Variants in NISCH observed in about 807,000 individuals in gnomAD.
NISCH encodes I-1 receptor candidate protein.
NISCH carries 55 observed loss-of-function variants against 138.4 expected under a neutral mutation model. That is an observed-to-expected ratio of 0.40 (90% CI 0.32 to 0.50). The LOEUF is 0.50. Ranked by LOEUF, NISCH falls within the 20% of genes least tolerant of loss-of-function variation. The pLI, the probability that NISCH is intolerant of heterozygous loss-of-function variation, is 0.71. For synonymous variants in NISCH, 860 were observed against 861.5 expected (o/e 1.00, Z 0.03); for missense variants, 1,643 against 2,005.5 (o/e 0.82, Z 3.45).
chr3:52,465,578 C>T (rs542348975), intron 3 of NISCH, among the ~76,000 whole-genome samples: 5 of 152,324 alleles, frequency 3.3e-5, no homozygotes, highest in African/African-American at 9.6e-5. Context: ...TTGCTGTGTC[C>T]TGACCCTCCT....
intron 3 of NISCH, among the ~76,000 whole-genome samples, chr3:52,467,998 G>A (rs1223311441): frequency 1.3e-5 from 2 of 152,192 alleles, no homozygotes; most frequent in African/African-American, 4.8e-5. Flanking sequence ...GGTGGCTCAC[G>A]CCTGTAATCC....
rs1001038073 is a variant in NISCH at position 52,480,990 on chromosome 3, C to T, written c.1528+695C>T. On this transcript the variant is annotated intron_variant, in intron 13 of 20. Transcript: ENST00000345716. Reference sequence around the variant, plus strand: ...CCGAGTGGAGCCGAGGCTCGGGACACGCAGGAAAGGACGCCGCCTGCCCGG... The same window carrying T: ...CCGAGTGGAGCCGAGGCTCGGGACATGCAGGAAAGGACGCCGCCTGCCCGG... The T allele has an allele frequency of 7.6e-6, 11 of 1,438,776 alleles. No homozygotes were observed. In the East Asian group the frequency reaches 7.9e-5, roughly 10 times the overall value. 89.1% of individuals were successfully genotyped at this position (1,438,776 alleles called of 1,614,324 possible). A position where few individuals can be genotyped will look rare whatever the true frequency, so the allele number is the denominator to read the frequency against.
chr3:52,456,924 C>T lies in NISCH; in HGVS notation c.94-919C>T, dbSNP rs552111829. On this transcript the variant is annotated intron_variant, in intron 1 of 20. Transcript: ENST00000345716. ...CAGCCAGAGGGCCATCTTCAAAAAG[C>T]TCACCCTATTCTGGACTGCGCCCCT... Among the ~76,000 whole-genome samples, 4 of 152,316 alleles carry T rather than the reference C, an allele frequency of 2.6e-5. 1 individual carries two copies. The South Asian group carries it at 8.3e-4, about 32-fold the overall frequency.
Position 52,466,470 on chromosome 3 carries a change from C to A in NISCH, c.361-4389C>A, listed in dbSNP as rs770766879. ...ATCCCAGCTACTCCAGAGACTCAGG[C>A]AGGAGAATTGCTTGAACCCAGGAGG... On this transcript the variant is annotated intron_variant, in intron 3 of 20. Coordinates refer to ENST00000345716, the MANE Select transcript of NISCH (RefSeq NM_007184.4). Among the ~76,000 whole-genome samples the A allele has an allele frequency of 7.5e-4, 113 of 150,820 alleles. 1 individual carries two copies. Among genetic ancestry groups the A allele is most frequent in the Non-Finnish European group, 2.2e-4 (15 of 67,916 alleles).
rs370837747 is a variant in NISCH, at chr3:52,473,772, C to T, written c.708C>T (p.Val236=). The T allele has an allele frequency of 6.9e-5, 111 of 1,608,906 alleles. No homozygotes were observed. The East Asian group carries it at 7.2e-4, about 10-fold the overall frequency. ...ATGCTAAGCACATCAGAGGGCTGGTCGCATCGAAGCCCACCTTAGCCACGC... is the reference window on the plus strand; with the variant it reads ...ATGCTAAGCACATCAGAGGGCTGGTTGCATCGAAGCCCACCTTAGCCACGC... ...HCDAKHIRGL[V]ASKPTLATLS... Residue 236 remains valine, a synonymous_variant, in exon 7 of 21, where the codon GTC becomes GTT. Transcript: ENST00000345716.
rs573502029 is a variant in NISCH at position 52,487,862 on chromosome 3, G to A, written c.2370G>A (p.Thr790=). ...TCAAGGTACGGCACAGTGAGAACAC[G>A]CTCTTCATTATCTCGGACGCCGCCA... ...LVLKVRHSEN[T]LFIISDAANL... is the part of the protein sequence containing the mutation. Residue 790 remains threonine (T), a synonymous_variant, in exon 16 of 21, where the codon ACG becomes ACA. Transcript: ENST00000345716. The surrounding 1 kb of genome is among the most constrained non-coding windows in gnomAD (Gnocchi z 9.1). The A allele has an allele frequency of 1.7e-5, 27 of 1,612,774 alleles. No homozygotes were observed. In the African/African-American group the frequency reaches 1.7e-4, roughly 10 times the overall value.
intron 13 of NISCH, 51 bp from the exon 14 acceptor site, chr3:52,484,462 T>TGGGCCCCCCCCCCCCCCC: frequency 1.3e-6 from 1 of 788,670 alleles, no homozygotes. Context: ...ACAGCCGCTC[T>TGGGCCCCCCCCCCCCCCC]CCCCGCCCCA....
At chr3:52,457,783 G>A in intron 1 of NISCH, 60 bp from the exon 2 acceptor site, 1 of 1,133,242 alleles carries the variant, frequency 8.8e-7, no homozygotes. Flanking sequence ...TGCTGCTGGG[G>A]GAGGAGACTC....
chr3:52,491,889 G>A lies in NISCH; in HGVS notation c.3922G>A (p.Glu1308Lys), dbSNP rs1042734581. Residue 1308 changes from glutamate to lysine, a missense_variant, in exon 21 of 21, where the codon GAG becomes AAG. Coordinates refer to ENST00000345716, the MANE Select transcript of NISCH (RefSeq NM_007184.4). ...CTCTGCAGGGAAGATGGAGAACTAC[G>A]AGCTGATCCACTCTAGTCGCGTCAA... ...NKTTGKMENY[E>K]LIHSSRVKFT... 5.0e-6 allele frequency: 8 copies of A among 1,598,814 alleles called. No individual in the cohort carries two copies. The highest frequency in any genetic ancestry group is 5.1e-6 in the Non-Finnish European group (6 of 1,170,056).
chr3:52,492,067 C>T lies in NISCH; in HGVS notation c.4100C>T (p.Pro1367Leu). 1 of 1,613,118 alleles carries T rather than the reference C, an allele frequency of 6.2e-7. No homozygotes were observed. Among genetic ancestry groups the T allele is most frequent in the Non-Finnish European group, 8.5e-7 (1 of 1,179,990 alleles). The change falls in exon 21 of 21, where the codon CCC becomes CTC. Residue 1367 changes from proline to leucine, a missense_variant. Coordinates refer to ENST00000345716, the MANE Select transcript of NISCH (RefSeq NM_007184.4). ...GMPPPGCCRG[P>L]LRPKTLLLTS... ...CCACCCCCTGGGTGCTGCAGGGGCC[C>T]CCTGCGCCCCAAGACACTCCTGCTC...
chr3:52,481,690 G>T, intron 13 of NISCH: 2 of 985,574 alleles, frequency 2.0e-6, no homozygotes, highest in Non-Finnish European at 2.4e-6. Context: ...TGAAGAGCAG[G>T]CCCTGGATGG....
At chr3:52,465,504 G>A (rs1352129984) in intron 3 of NISCH, among the ~76,000 whole-genome samples, 5 of 152,306 alleles carry the variant, frequency 3.3e-5, no homozygotes, top group South Asian at 2.1e-4. Context: ...GAGCGCAGGG[G>A]TTGCCGCCTG....
At position 52,488,508 on chromosome 3, in the gene NISCH, C is replaced by G; in HGVS notation, c.3016C>G (p.Gln1006Glu). The G allele has an allele frequency of 2.5e-6, 4 of 1,613,322 alleles. No individual in the cohort carries two copies. Among genetic ancestry groups the G allele is most frequent in the Non-Finnish European group, 3.4e-6 (4 of 1,180,002 alleles). The change falls in exon 16 of 21, where the codon CAG becomes GAG. Residue 1006 changes from glutamine (Q) to glutamate (E), a missense_variant. Coordinates refer to ENST00000345716, the MANE Select transcript of NISCH (RefSeq NM_007184.4). ...CTACAACCAGCTGCGGGCCTCGCTGCAGGACCTGAAGACTGTGGTCATCGC... is the reference window on the plus strand; with the variant it reads ...CTACAACCAGCTGCGGGCCTCGCTGGAGGACCTGAAGACTGTGGTCATCGC... The part of the protein sequence containing the change: ...RVYNQLRASL[Q>E]DLKTVVIAKT...
At chr3:52,462,601 A>G (rs1706666390) in intron 3 of NISCH, among the ~76,000 whole-genome samples, 1 of 152,106 alleles carries the variant, frequency 6.6e-6, no homozygotes, top group African/African-American at 2.4e-5. Context: ...GATAGGGTGG[A>G]CCCAGGGAAC....
At chr3:52,468,111 T>C (rs1706838324) in intron 3 of NISCH, among the ~76,000 whole-genome samples, 1 of 152,064 alleles carries the variant, frequency 6.6e-6, no homozygotes, top group African/African-American at 2.4e-5. Flanking sequence ...ATACAAAAAT[T>C]AGCCGGGTGT....
chr3:52,476,920 G>A lies in NISCH; in HGVS notation c.918+321G>A, dbSNP rs546038815. 2.2e-4 allele frequency among the ~76,000 whole-genome samples: 34 copies of A among 152,250 alleles called. No individual in the cohort carries two copies. In the South Asian group the frequency reaches 7.1e-3, roughly 32 times the overall value. Reference sequence around the variant, plus strand: ...GTGGTGGTGCACACCTGTAATCCCAGCTACTTTGGGAGGCTTAGGCAGGAG... The same window carrying A: ...GTGGTGGTGCACACCTGTAATCCCAACTACTTTGGGAGGCTTAGGCAGGAG... On this transcript the variant is annotated intron_variant, in intron 8 of 20. Transcript: ENST00000345716.
rs748999874 is a variant in NISCH, at chr3:52,455,668, C to G, written c.27C>G (p.Pro9=). 11 of 1,356,698 alleles carry G rather than the reference C, an allele frequency of 8.1e-6. No individual in the cohort carries two copies. The highest frequency in any genetic ancestry group is 3.0e-5 in the African/African-American group (2 of 66,572). The allele number at this position is 1,356,698 out of a possible 1,614,324, so 84.0% of individuals were successfully genotyped here. MATARTFG[P]EREAEPAKEA... ...TGGCGACCGCGCGCACCTTCGGGCC[C>G]GAGCGGGAAGCCGAGCCGGCCAAGG... The change falls in exon 1 of 21, where the codon CCC becomes CCG. Residue 9 remains proline, a synonymous_variant. Transcript: ENST00000345716.
intron 3 of NISCH, among the ~76,000 whole-genome samples, chr3:52,459,704 G>A (rs1452198189): frequency 2.6e-5 from 4 of 151,810 alleles, no homozygotes; most frequent in African/African-American, 9.7e-5. Flanking sequence ...AAAGTGCTGG[G>A]ATTACAGGCG....
At chr3:52,477,549 A>G (rs780779719) in intron 8 of NISCH, 25 bp from the exon 9 acceptor site, 3 of 1,606,210 alleles carry the variant, frequency 1.9e-6, no homozygotes, top group South Asian at 2.2e-5. Context: ...CTACAGTAAC[A>G]TCGGGTGTTC....
Sources: allele counts gnomAD v4.1 joint callset (sites outside exome capture counted in the v4.1 genomes callset), GRCh38; gene constraint gnomAD v4.1.1; non-coding constraint Gnocchi (gnomAD v3.1); transcripts MANE v1.5; gene names NCBI Gene and HGNC (gene_info 2026-07-23, HGNC 2026-07-21).